Variants in CRACD observed in about 807,000 individuals in gnomAD.
CRACD encodes capping protein-inhibiting regulator of actin dynamics.
Under a neutral mutation model 106.8 loss-of-function variants are expected in CRACD, and 56 were observed. The observed-to-expected ratio is 0.52, with a 90% confidence interval of 0.42 to 0.66. CRACD has a LOEUF of 0.66. Among genes scored for constraint, CRACD ranks in the 30% least tolerant of loss-of-function variants. The pLI, the probability that CRACD is intolerant of heterozygous loss-of-function variation, is 0.00. For missense variants in CRACD, 1,730 were observed against 1,623.2 expected (o/e 1.07, Z -1.13); for synonymous variants, 754 against 670.8 (o/e 1.12, Z -1.92).
chr4:56,125,467 C>T (rs904595055), intron 1 of CRACD, among the ~76,000 whole-genome samples: 4 of 151,972 alleles, frequency 2.6e-5, no homozygotes, highest in African/African-American at 9.7e-5. Context: ...TGCAATGGTG[C>T]AGATGGTGCA....
chr4:56,140,052 T>A (rs1735139694), intron 1 of CRACD, among the ~76,000 whole-genome samples: 1 of 152,232 alleles, frequency 6.6e-6, no homozygotes, highest in Non-Finnish European at 1.5e-5. Context: ...TGTCTTACTA[T>A]ATGTATTTAT....
At chr4:56,236,670 A>G (rs1400232670) in intron 2 of CRACD, among the ~76,000 whole-genome samples, 1 of 152,108 alleles carries the variant, frequency 6.6e-6, no homozygotes, top group Non-Finnish European at 1.5e-5. Flanking sequence ...AGAATGCTCA[A>G]TACCTTGAAA....
In CRACD at chr4:56,260,154, T is replaced by G. The variant is rs148541523; in HGVS notation, c.-188-12167T>G. On this transcript the variant is annotated intron_variant, in intron 2 of 10. Transcript: ENST00000682029. The stretch of plus-strand genomic sequence containing the variant: ...CTGATAGTTATGAGTGTTTCTTCCT[T>G]ATTTTGTTATGAATGTGTTTGCATA... Among the ~76,000 whole-genome samples, 704 of 152,336 alleles carry G rather than the reference T, an allele frequency of 4.6e-3. 2 individuals carry two copies. Among genetic ancestry groups the G allele is most frequent in the Admixed American group, 6.7e-3 (102 of 15,300 alleles).
At chr4:56,169,799 G>C (rs1168638318) in intron 1 of CRACD, among the ~76,000 whole-genome samples, 2 of 152,014 alleles carry the variant, frequency 1.3e-5, no homozygotes, top group Non-Finnish European at 2.9e-5. Context: ...CCCGTTAAGA[G>C]TATTGTTAAT....
intron 2 of CRACD, among the ~76,000 whole-genome samples, chr4:56,236,619 C>T (rs1220257284): frequency 6.6e-6 from 1 of 151,834 alleles, no homozygotes; most frequent in Non-Finnish European, 1.5e-5. Flanking sequence ...AGGACGATGG[C>T]TCAATGACAT....
intron 1 of CRACD, among the ~76,000 whole-genome samples, chr4:56,072,913 T>C (rs1224572863): frequency 6.6e-6 from 1 of 152,226 alleles, no homozygotes; most frequent in Non-Finnish European, 1.5e-5. Context: ...TATTCATCCA[T>C]GTCCCTGCAA....
At chr4:56,056,605 A>C (rs919586514) in intron 1 of CRACD, among the ~76,000 whole-genome samples, 24 of 151,832 alleles carry the variant, frequency 1.6e-4, no homozygotes, top group East Asian at 9.7e-4. Context: ...AACCAAAAAA[A>C]AAACAAACAA....
intron 1 of CRACD, among the ~76,000 whole-genome samples, chr4:56,157,324 A>T (rs951557095): frequency 1.3e-5 from 2 of 152,322 alleles, no homozygotes; most frequent in African/African-American, 4.8e-5. Context: ...AAAACTAAAA[A>T]GAAAATCAAA....
intron 3 of CRACD, among the ~76,000 whole-genome samples, chr4:56,279,756 A>C (rs1458750333): frequency 6.6e-6 from 1 of 152,200 alleles, no homozygotes; most frequent in Non-Finnish European, 1.5e-5. Flanking sequence ...GGGATTTAGA[A>C]CTAGAATACC....
chr4:56,307,625 G>A lies in CRACD; in HGVS notation c.211G>A (p.Glu71Lys), dbSNP rs200244925. The stretch of plus-strand genomic sequence containing the variant: ...AAACAGTGGAGAGGCTAGCTTAGAA[G>A]AGGATCTGTTCCTGACCAGTCCCAT... ...KANSGEASLE[E>K]DLFLTSPMEI... The change falls in exon 5 of 11, where the codon GAG (glutamate) becomes AAG (lysine). Residue 71 changes from glutamate (E) to lysine (K), a missense_variant. Coordinates refer to ENST00000682029, the MANE Select transcript of CRACD (RefSeq NM_001393381.1). 2.0e-4 allele frequency: 326 copies of A among 1,614,202 alleles called. 1 individual carries two copies. In the African/African-American group the frequency reaches 4.0e-3, roughly 20 times the overall value.
intron 3 of CRACD, among the ~76,000 whole-genome samples, chr4:56,281,096 C>T (rs552760164): frequency 5.3e-4 from 80 of 152,250 alleles, no homozygotes; most frequent in Non-Finnish European, 8.2e-4. Flanking sequence ...TCCCCAACCC[C>T]CAGGTGGTGA....
intron 3 of CRACD, among the ~76,000 whole-genome samples, chr4:56,292,298 C>A (rs1192112367): frequency 6.6e-6 from 1 of 152,112 alleles, no homozygotes; most frequent in Non-Finnish European, 1.5e-5. Flanking sequence ...CGCAGATATG[C>A]CAAGGAGGGG....
At chr4:56,070,534 G>A (rs1040419334) in intron 1 of CRACD, among the ~76,000 whole-genome samples, 42 of 151,972 alleles carry the variant, frequency 2.8e-4, no homozygotes, top group Non-Finnish European at 2.2e-4. Context: ...TGATCCGCCC[G>A]CCTCGGCCTC....
intron 2 of CRACD, among the ~76,000 whole-genome samples, chr4:56,250,386 T>C (rs1310855024): frequency 6.6e-6 from 1 of 152,200 alleles, no homozygotes. Context: ...TTATATACCA[T>C]ATCTAATTTA....
At chr4:56,236,093 AG>A (rs1198557073) in intron 2 of CRACD, among the ~76,000 whole-genome samples, 2 of 152,214 alleles carry the variant, frequency 1.3e-5, no homozygotes, top group African/African-American at 4.8e-5. Context: ...TATTAAAAAC[AG>A]GGTCTTTACA....
intron 1 of CRACD, among the ~76,000 whole-genome samples, chr4:56,168,631 A>G (rs1736241988): frequency 6.7e-6 from 1 of 150,112 alleles, no homozygotes; most frequent in Non-Finnish European, 1.5e-5. Flanking sequence ...TTGTCCACTG[A>G]TGGATATATA....
intron 1 of CRACD, among the ~76,000 whole-genome samples, chr4:56,068,290 A>C (rs1732527185): frequency 6.6e-6 from 1 of 152,220 alleles, no homozygotes; most frequent in Non-Finnish European, 1.5e-5. Flanking sequence ...GTAACGGGCC[A>C]AGGCCAAGCC....
At chr4:56,190,907 G>A (rs533484493) in intron 2 of CRACD, among the ~76,000 whole-genome samples, 29 of 152,106 alleles carry the variant, frequency 1.9e-4, no homozygotes, top group Admixed American at 6.5e-5. Context: ...GCACTATCCT[G>A]AGAACAGCAT....
intron 1 of CRACD, among the ~76,000 whole-genome samples, chr4:56,113,105 A>T (rs1734172846): frequency 7.2e-6 from 1 of 138,016 alleles, no homozygotes; most frequent in African/African-American, 2.9e-5. Flanking sequence ...CTTTGCTCTA[A>T]TAGCTTGATT....
Sources: allele counts gnomAD v4.1 joint callset (sites outside exome capture counted in the v4.1 genomes callset), GRCh38; gene constraint gnomAD v4.1.1; transcripts MANE v1.5; gene names NCBI Gene and HGNC (gene_info 2026-07-23, HGNC 2026-07-21).